Variants in REEP3 observed in about 807,000 individuals in gnomAD.
REEP3 encodes the protein receptor expression-enhancing protein 3.
REEP3 carries 20 observed loss-of-function variants against 41.3 expected under a neutral mutation model. The observed-to-expected ratio is 0.48, with a 90% CI of 0.34 to 0.70. The LOEUF (loss-of-function observed/expected upper bound fraction) is 0.70. REEP3 is among the 30% of genes least tolerant of loss of function. The probability of loss-of-function intolerance (pLI) is 0.01; values close to 1 mark genes in which losing one functional copy is unlikely to be tolerated. For synonymous variants in REEP3, 104 were observed against 101.8 expected (o/e 1.02, Z -0.13); for missense variants, 271 against 308.8 (o/e 0.88, Z 0.92).
intron 1 of REEP3, among the ~76,000 whole-genome samples, chr10:63,560,623 C>T (rs1046266672): frequency 6.6e-6 from 1 of 152,120 alleles, no homozygotes; most frequent in Non-Finnish European, 1.5e-5. Context: ...CAAAATTTCC[C>T]CTCTTTAGAC....
intron 1 of REEP3, among the ~76,000 whole-genome samples, chr10:63,534,399 C>T (rs564650164): frequency 1.3e-5 from 2 of 152,216 alleles, no homozygotes; most frequent in Non-Finnish European, 2.9e-5. Context: ...TATAAGCACA[C>T]ACCACCACAT....
intron 1 of REEP3, among the ~76,000 whole-genome samples, chr10:63,539,149 C>CTT (rs538716246): frequency 1.4e-5 from 2 of 146,978 alleles, no homozygotes; most frequent in African/African-American, 5.0e-5. Context: ...TTAAATAACA[C>CTT]TTTTTTTTTT....
At chr10:63,534,167 T>G (rs1224603270) in intron 1 of REEP3, among the ~76,000 whole-genome samples, 1 of 152,214 alleles carries the variant, frequency 6.6e-6, no homozygotes, top group Non-Finnish European at 1.5e-5. Context: ...ATAAACTTTT[T>G]TGTCCACAAA....
Position 63,598,600 on chromosome 10 carries a change from C to T in REEP3, c.303+456C>T, listed in dbSNP as rs543983046. ...GAGATCGAGACCATCCTGGCTAACA[C>T]GGTGAAACCCTGTCTCTACTAAAAA... On this transcript the variant is annotated intron_variant, in intron 4 of 7. Coordinates refer to ENST00000373758, the MANE Select transcript of REEP3 (RefSeq NM_001001330.3). Among the ~76,000 whole-genome samples, 14 of 150,794 alleles carry T rather than the reference C, an allele frequency of 9.3e-5. No individual in the cohort carries two copies. The South Asian group carries it at 1.5e-3, about 16-fold the overall frequency.
At chr10:63,618,788 T>C (rs572633176) in intron 6 of REEP3, among the ~76,000 whole-genome samples, 2 of 152,360 alleles carry the variant, frequency 1.3e-5, no homozygotes, top group South Asian at 4.1e-4. Context: ...ATTAACAGGT[T>C]CTCAAGGTAA....
intron 2 of REEP3, among the ~76,000 whole-genome samples, chr10:63,594,370 C>A (rs1263126746): frequency 6.6e-6 from 1 of 152,048 alleles, no homozygotes; most frequent in East Asian, 1.9e-4. Flanking sequence ...TTCAGCGTAC[C>A]CTGTCTCTAC....
At chr10:63,553,238 T>A (rs1179719571) in intron 1 of REEP3, among the ~76,000 whole-genome samples, 8 of 152,140 alleles carry the variant, frequency 5.3e-5, no homozygotes, top group African/African-American at 1.7e-4. Context: ...AAAAAATTAC[T>A]GTGTTGGAGA....
intron 3 of REEP3, 124 bp downstream of exon 3, chr10:63,594,978 T>C (rs943974670): frequency 5.8e-6 from 4 of 689,786 alleles, no homozygotes; most frequent in African/African-American, 3.5e-5. Flanking sequence ...CACCCATTTG[T>C]TTTTGTCATC....
At chr10:63,609,948 T>C (rs1181964603) in intron 5 of REEP3, among the ~76,000 whole-genome samples, 1 of 152,112 alleles carries the variant, frequency 6.6e-6, no homozygotes, top group African/African-American at 2.4e-5. Context: ...AATGTTGAGG[T>C]TGAAATATAC....
intron 2 of REEP3, among the ~76,000 whole-genome samples, chr10:63,588,929 C>T (rs772497166): frequency 6.6e-6 from 1 of 152,088 alleles, no homozygotes; most frequent in African/African-American, 2.4e-5. Flanking sequence ...CAAAAGGCCT[C>T]GAGGCAGGAG....
intron 2 of REEP3, among the ~76,000 whole-genome samples, chr10:63,590,120 G>A (rs983217954): frequency 4.6e-5 from 7 of 152,026 alleles, no homozygotes; most frequent in South Asian, 2.1e-4. Flanking sequence ...AATTAGGGAC[G>A]GGATCTCATT....
At chr10:63,592,459 G>T (rs1419981874) in intron 2 of REEP3, among the ~76,000 whole-genome samples, 1 of 152,042 alleles carries the variant, frequency 6.6e-6, no homozygotes. Context: ...TTCGGTAAAG[G>T]GTTGTTTAGT....
At chr10:63,562,894 C>T (rs1466884824) in intron 1 of REEP3, 3 of 456,058 alleles carry the variant, frequency 6.6e-6, no homozygotes, top group Non-Finnish European at 1.3e-5. Flanking sequence ...TAACCCCCTG[C>T]GCATCAGAAT....
chr10:63,611,642 G>A (rs981322920), intron 6 of REEP3, among the ~76,000 whole-genome samples: 1 of 151,924 alleles, frequency 6.6e-6, no homozygotes, highest in African/African-American at 2.4e-5. Context: ...ATAAGGCACA[G>A]GGCTATTTTA....
In REEP3 at chr10:63,598,119, A is replaced by T. The variant is rs1956133857; in HGVS notation, c.278A>T (p.His93Leu). ...GASLIYRKFL[H>L]PLLSSKEREI... is the part of the protein sequence containing the mutation. ...AGTTTAATATATAGAAAATTCCTTC[A>T]TCCACTTCTTTCTTCAAAGGAAAGG... The change falls in exon 4 of 8, where the codon CAT becomes CTT. Residue 93 changes from histidine to leucine, a missense_variant. Transcript: ENST00000373758. The T allele has an allele frequency of 6.3e-7, 1 of 1,587,846 alleles. No homozygotes were observed.
intron 1 of REEP3, among the ~76,000 whole-genome samples, chr10:63,522,049 C>T (rs1955274272): frequency 2.0e-5 from 3 of 152,078 alleles, no homozygotes; most frequent in Admixed American, 2.0e-4. Flanking sequence ...GACGGCAGTG[C>T]CGAGCCTTTG....
intron 3 of REEP3, among the ~76,000 whole-genome samples, 151 bp downstream of exon 3, chr10:63,595,005 A>T (rs1192651169): frequency 6.6e-6 from 1 of 152,088 alleles, no homozygotes; most frequent in Admixed American, 6.5e-5. Flanking sequence ...CCCATAGAAC[A>T]CTACTTTCCT....
chr10:63,557,894 C>A (rs961185676), intron 1 of REEP3, among the ~76,000 whole-genome samples: 6 of 152,240 alleles, frequency 3.9e-5, no homozygotes, highest in Admixed American at 6.5e-5. Flanking sequence ...CCTGGCAACC[C>A]ATGGAGGGAA....
At chr10:63,583,758 TA>T (rs1955977813) in intron 2 of REEP3, among the ~76,000 whole-genome samples, 1 of 152,232 alleles carries the variant, frequency 6.6e-6, no homozygotes, top group South Asian at 2.1e-4. Context: ...GTGGTCCTGT[TA>T]AAAGGGAACT....
Sources: gnomAD v4.1 joint callset for allele counts (sites outside exome capture counted in the v4.1 genomes callset) on GRCh38, gnomAD v4.1.1 for gene constraint, MANE v1.5 for transcripts, NCBI Gene and HGNC (gene_info 2026-07-23, HGNC 2026-07-21) for gene names.